Variants in BANF2 observed in about 807,000 individuals in gnomAD.
The protein encoded by BANF2 is barrier-to-autointegration factor-like protein.
A neutral mutation model predicts 8.0 loss-of-function variants in BANF2; 4 were observed. The observed-to-expected ratio is 0.50, with a 90% CI of 0.25 to 1.14. The LOEUF (loss-of-function observed/expected upper bound fraction) is 1.14. BANF2 is among the 50% of genes most tolerant of loss of function. BANF2 has a pLI of 0.16. For synonymous variants in BANF2, 50 were observed against 40.6 expected (o/e 1.23, Z -0.88); for missense variants, 96 against 107.5 (o/e 0.89, Z 0.47).
At chr20:17,703,891 G>T (rs189580713) in intron 1 of BANF2, among the ~76,000 whole-genome samples, 42 of 152,234 alleles carry the variant, frequency 2.8e-4, no homozygotes, top group Admixed American at 5.9e-4. Flanking sequence ...GGGATTGCAG[G>T]TGCCTGCCAC....
Position 17,721,397 on chromosome 20 carries a change from TC to T in BANF2, c.-166-1318del, listed in dbSNP as rs755941545. Among the ~76,000 whole-genome samples the T allele has an allele frequency of 4.3e-3, 310 of 72,174 alleles. 2 individuals are homozygous for T. The highest frequency in any genetic ancestry group is 0.039 in the East Asian group (133 of 3,410). 47.3% of individuals were successfully genotyped at this position (72,174 alleles called of 152,430 possible). A position where few individuals can be genotyped will look rare whatever the true frequency, so the allele number is the denominator to read the frequency against. ...TTTTCTTTTTCTTTCTTTCTTTCTT[TC>T]TTTTTTTTTTTAAGACGGAGTCTCG... On this transcript the variant is annotated intron_variant, in intron 1 of 3. Coordinates refer to ENST00000246090, the MANE Select transcript of BANF2 (RefSeq NM_178477.5).
chr20:17,708,465 C>T (rs559585307), intron 1 of BANF2, among the ~76,000 whole-genome samples: 1 of 152,254 alleles, frequency 6.6e-6, no homozygotes, highest in South Asian at 2.1e-4. Context: ...AAACGTTGGG[C>T]TTCTCTTGAA....
At chr20:17,724,335 AG>A (rs1215161636) in intron 2 of BANF2, among the ~76,000 whole-genome samples, 1 of 152,238 alleles carries the variant, frequency 6.6e-6, no homozygotes, top group African/African-American at 2.4e-5. Flanking sequence ...GTTAGAGCAC[AG>A]GCAACAAATG....
chr20:17,695,236 C>G (rs1444584130), upstream of BANF2, among the ~76,000 whole-genome samples: 1 of 151,332 alleles, frequency 6.6e-6, no homozygotes, highest in Non-Finnish European at 1.5e-5. Context: ...TGCTTGAGCC[C>G]AGGGGTTTGA....
In BANF2 at chr20:17,732,329, C is replaced by T. The variant is rs200824619; in HGVS notation, c.127-3336C>T. Among the ~76,000 whole-genome samples the T allele has an allele frequency of 3.3e-5, 5 of 152,302 alleles. No individual in the cohort carries two copies. In the East Asian group the frequency reaches 7.8e-4, roughly 24 times the overall value. ...CCCTGGAGGAACCTCACTGTTTGCA[C>T]TTGGAGTTTAGGGGCATTCTGCCCT... On this transcript the variant is annotated intron_variant, in intron 3 of 3. Transcript: ENST00000246090.
At chr20:17,696,600 C>T (rs1269975503), upstream of BANF2, among the ~76,000 whole-genome samples, 1 of 152,046 alleles carries the variant, frequency 6.6e-6, no homozygotes, top group Non-Finnish European at 1.5e-5. Context: ...AGTTGTAATT[C>T]TTTGTCTGGA....
intron 3 of BANF2, among the ~76,000 whole-genome samples, chr20:17,727,313 C>T (rs747297612): frequency 3.3e-5 from 5 of 152,132 alleles, no homozygotes; most frequent in Admixed American, 6.5e-5. Flanking sequence ...CTGTATCCTT[C>T]GCTTTGAGCC....
chr20:17,710,449 T>G (rs1568809980), intron 1 of BANF2, among the ~76,000 whole-genome samples: 1 of 152,226 alleles, frequency 6.6e-6, no homozygotes, highest in Non-Finnish European at 1.5e-5. Context: ...AGAATTCGTT[T>G]TGAGGACTAT....
At position 17,723,016 on chromosome 20, in the gene BANF2, T is replaced by G. The variant is rs372665483; in HGVS notation, c.-4+138T>G. 13 of 482,860 alleles carry G rather than the reference T, an allele frequency of 2.7e-5. No individual in the cohort carries two copies. The East Asian group carries it at 1.4e-3, about 51-fold the overall frequency. The allele number at this position is 482,860 out of a possible 1,614,324, so 29.9% of individuals were successfully genotyped here. On this transcript the variant is annotated intron_variant, in intron 2 of 3. Coordinates refer to ENST00000246090, the MANE Select transcript of BANF2 (RefSeq NM_178477.5). ...GTGTTGGATTGGGGAGCAAAGGCCA[T>G]TAGGAGGCAGCTGCAGCCCTTCGGG...
intron 3 of BANF2, among the ~76,000 whole-genome samples, chr20:17,731,731 T>C (rs1441940107): frequency 2.3e-5 from 3 of 131,374 alleles, no homozygotes; most frequent in Non-Finnish European, 4.6e-5. Context: ...CTCTAGCCTG[T>C]GTGACGGAAT....
At chr20:17,697,820 C>T (rs147744519), upstream of BANF2, among the ~76,000 whole-genome samples, 96 of 151,964 alleles carry the variant, frequency 6.3e-4, no homozygotes, top group African/African-American at 2.0e-3. Context: ...GCCTGGTGGG[C>T]GGTGTTTGTG....
chr20:17,716,634 A>G (rs1290188574), intron 1 of BANF2, among the ~76,000 whole-genome samples: 1 of 150,506 alleles, frequency 6.6e-6, no homozygotes, highest in Non-Finnish European at 1.5e-5. Context: ...GAGGCCGAGG[A>G]GGGTGGATCA....
chr20:17,725,121 G>C lies in BANF2; in HGVS notation c.96G>C (p.Ala32=). The part of the protein sequence containing the change: ...CWVDGISHEL[A]INLVTKGINK... ...TGGATGGCATCAGCCATGAGCTCGCGATCAATTTGGTCACCAAAGGTATCA... is the reference window on the plus strand; with the variant it reads ...TGGATGGCATCAGCCATGAGCTCGCCATCAATTTGGTCACCAAAGGTATCA... The change falls in exon 3 of 4, where the codon GCG becomes GCC. Residue 32 remains alanine (A), a synonymous_variant. Coordinates refer to ENST00000246090, the MANE Select transcript of BANF2 (RefSeq NM_178477.5). 1 of 1,613,100 alleles carries C rather than the reference G, an allele frequency of 6.2e-7. No homozygotes were observed.
At chr20:17,706,900 T>C (rs1367821707) in intron 1 of BANF2, among the ~76,000 whole-genome samples, 1 of 152,198 alleles carries the variant, frequency 6.6e-6, no homozygotes, top group Non-Finnish European at 1.5e-5. Context: ...AAGTAGACGC[T>C]GTGAGCAGGA....
chr20:17,715,358 T>C (rs1400250014), intron 1 of BANF2, among the ~76,000 whole-genome samples: 3 of 152,192 alleles, frequency 2.0e-5, no homozygotes, highest in Non-Finnish European at 4.4e-5. Context: ...TTCATGCACT[T>C]AGCTCAAGGC....
intron 1 of BANF2, among the ~76,000 whole-genome samples, chr20:17,713,309 A>G (rs1297637674): frequency 2.0e-5 from 3 of 152,256 alleles, no homozygotes; most frequent in African/African-American, 7.2e-5. Flanking sequence ...CACCTTGAGG[A>G]CATCAAGCTG....
intron 2 of BANF2, among the ~76,000 whole-genome samples, chr20:17,724,505 C>T (rs977089847): frequency 6.6e-6 from 1 of 152,156 alleles, no homozygotes; most frequent in African/African-American, 2.4e-5. Flanking sequence ...AGGAATGGCG[C>T]TGCGACCCAT....
At chr20:17,695,692 T>A (rs912421441), upstream of BANF2, among the ~76,000 whole-genome samples, 12 of 152,124 alleles carry the variant, frequency 7.9e-5, no homozygotes, top group African/African-American at 2.9e-4. Context: ...GAGGTGTAAT[T>A]TACATGCTCT....
chr20:17,697,629 A>G (rs2037357090), upstream of BANF2, among the ~76,000 whole-genome samples: 1 of 152,158 alleles, frequency 6.6e-6, no homozygotes, highest in Admixed American at 6.5e-5. Context: ...GAGTGGAAGC[A>G]GTTTATTTGC....
Sources: allele counts gnomAD v4.1 joint callset (sites outside exome capture counted in the v4.1 genomes callset), GRCh38; gene constraint gnomAD v4.1.1; transcripts MANE v1.5; gene names NCBI Gene and HGNC (gene_info 2026-07-23, HGNC 2026-07-21).